The following GALNTL6 variants were observed in gnomAD, a reference collection of about 807,000 sequenced individuals.
GALNTL6 encodes polypeptide N-acetylgalactosaminyltransferase-like 6.
In GALNTL6, 46 loss-of-function variants were observed where a neutral mutation model predicts 73.7. The ratio of observed to expected loss-of-function variants is 0.62; its 90% confidence interval spans 0.49 to 0.80. GALNTL6 has a LOEUF of 0.80. Ranked by LOEUF, GALNTL6 falls within the 30% of genes least tolerant of loss-of-function variation. The pLI, the probability that GALNTL6 is intolerant of heterozygous loss-of-function variation, is 0.00. For missense variants in GALNTL6, 604 were observed against 755.0 expected (o/e 0.80, Z 2.34); for synonymous variants, 259 against 263.7 (o/e 0.98, Z 0.17).
At chr4:172,006,081 A>T (rs965318602) in intron 2 of GALNTL6, among the ~76,000 whole-genome samples, 2 of 152,192 alleles carry the variant, frequency 1.3e-5, no homozygotes, top group Non-Finnish European at 2.9e-5. Context: ...GCTTTCTGCA[A>T]CACCTTGAAT....
chr4:172,406,945 A>T (rs1396223), intron 5 of GALNTL6, among the ~76,000 whole-genome samples: 82,735 of 151,780 alleles, frequency 0.55, 25,852 homozygotes, highest in Non-Finnish European at 0.7. Context: ...CTTGTTCTCT[A>T]TCTTCTCCCA....
intron 5 of GALNTL6, among the ~76,000 whole-genome samples, chr4:172,485,664 C>T (rs535366735): frequency 5.9e-5 from 9 of 152,116 alleles, no homozygotes; most frequent in Admixed American, 2.6e-4. Flanking sequence ...TTACATCATA[C>T]TATAAATGAG....
At chr4:173,002,083 A>T (rs146980232) in intron 10 of GALNTL6, among the ~76,000 whole-genome samples, 4 of 152,358 alleles carry the variant, frequency 2.6e-5, no homozygotes, top group African/African-American at 7.2e-5. Flanking sequence ...CAGAAGCATT[A>T]TTCACAGTAG....
chr4:171,934,590 A>AT (rs1027647082), intron 2 of GALNTL6, among the ~76,000 whole-genome samples: 12 of 151,784 alleles, frequency 7.9e-5, no homozygotes, highest in South Asian at 6.3e-4. Flanking sequence ...ATTTTTTTGT[A>AT]TTTTTTGTAG....
At chr4:172,764,752 A>G (rs1579451624) in intron 5 of GALNTL6, among the ~76,000 whole-genome samples, 1 of 152,168 alleles carries the variant, frequency 6.6e-6, no homozygotes, top group African/African-American at 2.4e-5. Context: ...TTCTTCTGCT[A>G]TTTATCTCAC....
chr4:172,321,446 A>G (rs1394281957), intron 4 of GALNTL6, among the ~76,000 whole-genome samples: 1 of 152,220 alleles, frequency 6.6e-6, no homozygotes, highest in Non-Finnish European at 1.5e-5. Flanking sequence ...ATAAAAAGGC[A>G]GGTAATACAA....
intron 2 of GALNTL6, among the ~76,000 whole-genome samples, chr4:171,844,231 G>A (rs1244946172): frequency 6.6e-6 from 1 of 152,100 alleles, no homozygotes; most frequent in Non-Finnish European, 1.5e-5. Context: ...TGATTTGGAG[G>A]ATGAAACTCA....
intron 2 of GALNTL6, among the ~76,000 whole-genome samples, chr4:172,165,460 G>A (rs1326885705): frequency 6.6e-6 from 1 of 152,088 alleles, no homozygotes; most frequent in Non-Finnish European, 1.5e-5. Flanking sequence ...AGACTTATCA[G>A]TGTCTTTGGG....
chr4:172,239,176 T>G (rs1288889676), intron 3 of GALNTL6, among the ~76,000 whole-genome samples: 1 of 152,196 alleles, frequency 6.6e-6, no homozygotes, highest in Non-Finnish European at 1.5e-5. Flanking sequence ...GTAAGAATGG[T>G]ACCAATTCTT....
chr4:172,811,206 C>T (rs895520332), intron 6 of GALNTL6, among the ~76,000 whole-genome samples: 2 of 152,124 alleles, frequency 1.3e-5, no homozygotes, highest in African/African-American at 4.8e-5. Flanking sequence ...TTTCAGTTTC[C>T]CATTAAGTCT....
intron 2 of GALNTL6, among the ~76,000 whole-genome samples, chr4:171,948,689 C>T (rs547476325): frequency 2.2e-4 from 33 of 152,096 alleles, no homozygotes; most frequent in Admixed American, 8.5e-4. Flanking sequence ...ATTATATTAA[C>T]GCAATAATAT....
At chr4:172,298,110 A>G (rs1329077852) in intron 3 of GALNTL6, among the ~76,000 whole-genome samples, 1 of 151,998 alleles carries the variant, frequency 6.6e-6, no homozygotes, top group Non-Finnish European at 1.5e-5. Context: ...ATTCCCTTTG[A>G]AGCAATTGTG....
At chr4:171,847,109 G>C (rs898127567) in intron 2 of GALNTL6, among the ~76,000 whole-genome samples, 1 of 151,654 alleles carries the variant, frequency 6.6e-6, no homozygotes, top group African/African-American at 2.4e-5. Flanking sequence ...AAACTTTGTA[G>C]AACACACCTT....
chr4:172,256,780 T>C (rs1324633068), intron 3 of GALNTL6, among the ~76,000 whole-genome samples: 1 of 151,442 alleles, frequency 6.6e-6, no homozygotes, highest in Non-Finnish European at 1.5e-5. Flanking sequence ...CTGACACTTT[T>C]CTAATAGATG....
chr4:172,061,911 C>A (rs372047927), intron 2 of GALNTL6, among the ~76,000 whole-genome samples: 1 of 150,768 alleles, frequency 6.6e-6, no homozygotes, highest in Non-Finnish European at 1.5e-5. Context: ...ATTTACCACC[C>A]ATTCCCTGCT....
chr4:172,896,111 G>A (rs2111226783), intron 8 of GALNTL6, among the ~76,000 whole-genome samples: 1 of 152,076 alleles, frequency 6.6e-6, no homozygotes, highest in South Asian at 2.1e-4. Flanking sequence ...CTCATTTTAG[G>A]GTTGACCTCT....
At chr4:172,189,468 T>C (rs1043486657) in intron 2 of GALNTL6, among the ~76,000 whole-genome samples, 1 of 151,988 alleles carries the variant, frequency 6.6e-6, no homozygotes, top group Non-Finnish European at 1.5e-5. Flanking sequence ...AAATGAAGAC[T>C]TTCAGTTTGG....
In GALNTL6 at chr4:171,960,446, T is replaced by C. The variant is rs143235942; in HGVS notation, c.138+145728T>C. ...GCACATGCCACCATGCTCAGTGAAT[T>C]TTTGTATATGTTTAATGGAGACAGG... On this transcript the variant is annotated intron_variant, in intron 2 of 12. Coordinates refer to ENST00000506823, the MANE Select transcript of GALNTL6 (RefSeq NM_001034845.3). 1.7e-3 allele frequency among the ~76,000 whole-genome samples: 256 copies of C among 151,818 alleles called. 2 individuals are homozygous for C. The highest frequency in any genetic ancestry group is 0.012 in the Admixed American group (176 of 15,234).
chr4:172,171,047 A>G (rs1037244241), intron 2 of GALNTL6, among the ~76,000 whole-genome samples: 2 of 152,250 alleles, frequency 1.3e-5, no homozygotes, highest in Admixed American at 1.3e-4. Context: ...TTATTAAGAC[A>G]TAAACAATTA....
Sources: allele counts gnomAD v4.1 joint callset (sites outside exome capture counted in the v4.1 genomes callset), GRCh38; gene constraint gnomAD v4.1.1; transcripts MANE v1.5; gene names NCBI Gene and HGNC (gene_info 2026-07-23, HGNC 2026-07-21).